The following TBC1D9 variants were observed in gnomAD, a reference collection of about 807,000 sequenced individuals.
TBC1D9 encodes the protein TBC1 domain family member 9.
Under a neutral mutation model 132.0 loss-of-function variants are expected in TBC1D9, and 63 were observed. The ratio of observed to expected loss-of-function variants is 0.48; its 90% CI spans 0.39 to 0.59. TBC1D9 has a LOEUF of 0.59. Among genes scored for constraint, TBC1D9 ranks in the 20% least tolerant of loss-of-function variants. TBC1D9 has a pLI of 0.00. For missense variants in TBC1D9, 1,261 were observed against 1,592.7 expected (o/e 0.79, Z 3.54); for synonymous variants, 610 against 609.9 (o/e 1.00, Z 0.00).
At chr4:140,639,468 T>TA in intron 13 of TBC1D9, 40 bp from the exon 14 acceptor site, 1 of 1,404,094 alleles carries the variant, frequency 7.1e-7, no homozygotes, top group Non-Finnish European at 1.0e-6. Flanking sequence ...AAAAATCTCT[T>TA]ACAGCACACA....
At chr4:140,656,830 A>C (rs1047028612) in intron 13 of TBC1D9, among the ~76,000 whole-genome samples, 1 of 152,188 alleles carries the variant, frequency 6.6e-6, no homozygotes, top group Non-Finnish European at 1.5e-5. Flanking sequence ...AGGTCTTATG[A>C]GCATGGGTTC....
At chr4:140,659,328 T>C in intron 11 of TBC1D9, 3 of 280,212 alleles carry the variant, frequency 1.1e-5, no homozygotes, top group East Asian at 6.0e-5. Flanking sequence ...CTCTCACATG[T>C]CAGAGTGACA....
intron 1 of TBC1D9, among the ~76,000 whole-genome samples, chr4:140,704,498 A>C (rs1241651702): frequency 6.6e-6 from 1 of 151,536 alleles, no homozygotes; most frequent in Non-Finnish European, 1.5e-5. Context: ...TAAGCCTCTG[A>C]GTATCATCAA....
At chr4:140,754,481 G>T (rs1034509877) in intron 1 of TBC1D9, among the ~76,000 whole-genome samples, 1 of 151,732 alleles carries the variant, frequency 6.6e-6, no homozygotes, top group South Asian at 2.1e-4. Flanking sequence ...CGGGCGGGTT[G>T]GTGCATGCCT....
chr4:140,722,343 C>T (rs532979514), intron 1 of TBC1D9, among the ~76,000 whole-genome samples: 1 of 152,320 alleles, frequency 6.6e-6, no homozygotes, highest in African/African-American at 2.4e-5. Flanking sequence ...AAATCCTTCC[C>T]CTTAACCTTT....
intron 9 of TBC1D9, among the ~76,000 whole-genome samples, chr4:140,667,453 A>T (rs963474169): frequency 1.3e-5 from 2 of 152,226 alleles, no homozygotes; most frequent in Non-Finnish European, 2.9e-5. Context: ...TCTGTCAGTG[A>T]TCTGAATCTG....
chr4:140,643,447 A>C (rs1737043918), intron 13 of TBC1D9: 1 of 930,558 alleles, frequency 1.1e-6, no homozygotes, highest in Admixed American at 1.9e-5. Context: ...AACTGCTCAG[A>C]GCTTGCCTCT....
At chr4:140,640,560 G>A (rs80232953) in intron 13 of TBC1D9, among the ~76,000 whole-genome samples, 3 of 152,006 alleles carry the variant, frequency 2.0e-5, no homozygotes, top group African/African-American at 7.3e-5. Flanking sequence ...ACATGAGGCC[G>A]TCTATCTTGC....
rs75710180 is a variant in TBC1D9, at chr4:140,748,942, G to C, written c.130+6974C>G. On this transcript the variant is annotated intron_variant, in intron 1 of 20. Coordinates refer to ENST00000442267, the MANE Select transcript of TBC1D9 (RefSeq NM_015130.3). ...AAATAGTAATAACTGCATGTCCTTG[G>C]GTTGAAAATATGTTAAGAATTAAAA... 4.6e-5 allele frequency among the ~76,000 whole-genome samples: 7 copies of C among 152,198 alleles called. No individual in the cohort carries two copies. The East Asian group carries it at 1.3e-3, about 29-fold the overall frequency.
At chr4:140,724,981 C>G (rs1262441137) in intron 1 of TBC1D9, among the ~76,000 whole-genome samples, 1 of 152,068 alleles carries the variant, frequency 6.6e-6, no homozygotes, top group African/African-American at 2.4e-5. Context: ...TGGTAAAACC[C>G]CTAGGAAGGG....
At chr4:140,684,341 C>T (rs1197478793) in intron 3 of TBC1D9, among the ~76,000 whole-genome samples, 1 of 151,890 alleles carries the variant, frequency 6.6e-6, no homozygotes, top group African/African-American at 2.4e-5. Context: ...TTAACTATTA[C>T]ATTTATGATT....
chr4:140,716,303 A>AGGAGAC (rs1738333035), intron 1 of TBC1D9, among the ~76,000 whole-genome samples: 2 of 152,106 alleles, frequency 1.3e-5, no homozygotes, highest in African/African-American at 4.8e-5. Flanking sequence ...CAAGGGCAAC[A>AGGAGAC]CAGTGAGACT....
intron 1 of TBC1D9, among the ~76,000 whole-genome samples, chr4:140,746,116 C>T (rs2111082829): frequency 6.6e-6 from 1 of 152,288 alleles, no homozygotes; most frequent in South Asian, 2.1e-4. Flanking sequence ...TCTCAAATCT[C>T]CCGAATTTGT....
intron 9 of TBC1D9, among the ~76,000 whole-genome samples, chr4:140,664,547 C>CA (rs762695857): frequency 6.6e-6 from 1 of 152,152 alleles, no homozygotes. Flanking sequence ...TTGGAGGACT[C>CA]ACACTTCCCA....
At chr4:140,733,326 A>G (rs1291972118) in intron 1 of TBC1D9, among the ~76,000 whole-genome samples, 2 of 152,170 alleles carry the variant, frequency 1.3e-5, no homozygotes, top group African/African-American at 2.4e-5. Context: ...GAGTTATTAA[A>G]TGTCCAGATA....
In TBC1D9 at chr4:140,723,629, C is replaced by T. The variant is rs549071897; in HGVS notation, c.131-22015G>A. 3.3e-5 allele frequency among the ~76,000 whole-genome samples: 5 copies of T among 152,088 alleles called. No individual in the cohort carries two copies. In the South Asian group the frequency reaches 8.3e-4, roughly 25 times the overall value. ...AATCACAGGCGTGAGCCACCATGCC[C>T]GGCCTACTTCCCAGTCTTTAACATA... On this transcript the variant is annotated intron_variant, in intron 1 of 20. Coordinates refer to ENST00000442267, the MANE Select transcript of TBC1D9 (RefSeq NM_015130.3).
intron 1 of TBC1D9, among the ~76,000 whole-genome samples, chr4:140,738,390 T>C (rs1325240021): frequency 2.0e-5 from 3 of 152,192 alleles, no homozygotes; most frequent in South Asian, 4.1e-4. Context: ...AAAATGTAGA[T>C]TCATTGAGGA....
At chr4:140,661,438 C>T (rs942234579) in intron 10 of TBC1D9, among the ~76,000 whole-genome samples, 1 of 152,192 alleles carries the variant, frequency 6.6e-6, no homozygotes, top group African/African-American at 2.4e-5. Flanking sequence ...TGGCGAACCA[C>T]AGTGACAGGC....
At chr4:140,719,723 T>C (rs992174400) in intron 1 of TBC1D9, among the ~76,000 whole-genome samples, 1 of 152,130 alleles carries the variant, frequency 6.6e-6, no homozygotes, top group African/African-American at 2.4e-5. Context: ...CACATACAAA[T>C]AGCAATCATT....
Sources: gnomAD v4.1 joint callset for allele counts (sites outside exome capture counted in the v4.1 genomes callset) on GRCh38, gnomAD v4.1.1 for gene constraint, MANE v1.5 for transcripts, NCBI Gene and HGNC (gene_info 2026-07-23, HGNC 2026-07-21) for gene names.